The following DYSF variants were observed in gnomAD, a reference collection of about 807,000 sequenced individuals.
DYSF encodes dysferlin, also known as dystrophy-associated fer-1-like 1.
In DYSF, 212 loss-of-function variants were observed where a neutral mutation model predicts 274.9. The ratio of observed to expected loss-of-function variants is 0.77; its 90% CI spans 0.69 to 0.86. The LOEUF is 0.86. DYSF is among the 40% of genes least tolerant of loss of function. DYSF has a pLI of 0.00. For synonymous variants in DYSF, 1,091 were observed against 1,078.7 expected (o/e 1.01, Z -0.22); for missense variants, 2,666 against 2,783.2 (o/e 0.96, Z 0.95).
chr2:71,601,577 C>T (rs193084915), intron 35 of DYSF, 49 bp downstream of exon 35: 856 of 1,611,346 alleles, frequency 5.3e-4, no homozygotes, highest in Non-Finnish European at 6.1e-4. Flanking sequence ...GCCAGTCTCC[C>T]TGTGTTTGGC....
Position 71,681,321 on chromosome 2 carries a change from G to C in DYSF, c.6173+211G>C, listed in dbSNP as rs537972943. Among the ~76,000 whole-genome samples the C allele has an allele frequency of 7.9e-5, 12 of 152,362 alleles. No homozygotes were observed. The East Asian group carries it at 2.3e-3, about 29-fold the overall frequency. On this transcript the variant is annotated intron_variant, in intron 54 of 55. Coordinates refer to ENST00000410020, the MANE Select transcript of DYSF (RefSeq NM_001130987.2). ...TGGGCTCAGCGAATTCAAGATGCAG[G>C]TGCTATTGGGTACCTGTTGGTTGTG...
At chr2:71,673,552 G>T (rs1048823832) in intron 51 of DYSF, among the ~76,000 whole-genome samples, 11 of 152,156 alleles carry the variant, frequency 7.2e-5, no homozygotes, top group Admixed American at 2.0e-4. Flanking sequence ...GCTCCTTACA[G>T]CAGCGTGCTG....
At chr2:71,643,301 G>A (rs554470508) in intron 41 of DYSF, among the ~76,000 whole-genome samples, 11 of 152,244 alleles carry the variant, frequency 7.2e-5, no homozygotes, top group Non-Finnish European at 1.2e-4. Context: ...GGAAGGATGC[G>A]GATGTCACAC....
At chr2:71,528,181 G>T (rs2088187779) in intron 13 of DYSF, 117 bp from the exon 14 acceptor site, 7 of 906,454 alleles carry the variant, frequency 7.7e-6, no homozygotes, top group Non-Finnish European at 1.2e-5. Flanking sequence ...CCTGTGTGAA[G>T]GGGCCAAAGC....
chr2:71,580,382 G>A (rs2092849796), intron 30 of DYSF, among the ~76,000 whole-genome samples: 1 of 152,268 alleles, frequency 6.6e-6, no homozygotes, highest in Non-Finnish European at 1.5e-5. Context: ...AGAAGTGCAG[G>A]GATGTGGGTC....
intron 3 of DYSF, among the ~76,000 whole-genome samples, chr2:71,487,208 T>G (rs969680340): frequency 2.0e-5 from 3 of 152,218 alleles, no homozygotes; most frequent in African/African-American, 7.2e-5. Flanking sequence ...CCTGAGAAAT[T>G]GAATCTTAAA....
chr2:71,466,963 C>G (rs1351530322), intron 1 of DYSF, 30 bp downstream of exon 1: 14 of 1,546,586 alleles, frequency 9.1e-6, no homozygotes, highest in Non-Finnish European at 1.0e-5. Flanking sequence ...CGCGCCCATG[C>G]TCGGGTGCTA....
chr2:71,594,231 C>T (rs2093347777), intron 32 of DYSF, among the ~76,000 whole-genome samples: 1 of 152,314 alleles, frequency 6.6e-6, no homozygotes, highest in South Asian at 2.1e-4. Flanking sequence ...GTCTGAACTC[C>T]AGTCTTCCTT....
intron 35 of DYSF, 161 bp from the exon 36 acceptor site, chr2:71,602,615 C>A: frequency 2.9e-6 from 2 of 688,280 alleles, no homozygotes; most frequent in Non-Finnish European, 5.1e-6. Context: ...CATTCTTACC[C>A]TTGGTGGGAG....
intron 49 of DYSF, 35 bp from the exon 50 acceptor site, chr2:71,669,077 A>G: frequency 6.5e-7 from 1 of 1,543,162 alleles, no homozygotes. Context: ...CTTTGGTAGG[A>G]AATCTAGGTG....
At chr2:71,520,966 C>A (rs1187587858) in intron 12 of DYSF, 62 bp downstream of exon 12, 2 of 1,400,932 alleles carry the variant, frequency 1.4e-6, no homozygotes, top group East Asian at 2.3e-5. Context: ...TGCGGAGGCA[C>A]CAAACCACAA....
chr2:71,666,129 C>T (rs1168000143), intron 47 of DYSF, among the ~76,000 whole-genome samples: 1 of 152,146 alleles, frequency 6.6e-6, no homozygotes, highest in East Asian at 1.9e-4. Context: ...AGCCCTGCCC[C>T]CCTTCATTCC....
At chr2:71,537,249 G>C (rs868309332) in intron 16 of DYSF, among the ~76,000 whole-genome samples, 1 of 16,610 alleles carries the variant, frequency 6.0e-5, no homozygotes, top group Non-Finnish European at 2.3e-4. Flanking sequence ...TTTTTTTTGC[G>C]GGGGGCGTGG....
At chr2:71,548,351 A>C (rs2090645932) in intron 17 of DYSF, among the ~76,000 whole-genome samples, 2 of 152,206 alleles carry the variant, frequency 1.3e-5, no homozygotes, top group Non-Finnish European at 2.9e-5. Flanking sequence ...CTAGGGGCAA[A>C]ACGAGTGTTT....
Position 71,526,336 on chromosome 2 carries a change from C to G in DYSF, c.1266C>G (p.Asp422Glu), listed in dbSNP as rs1268717670. ...GCCTGAAGGTCTTCCGGGCCGAGGA[C>G]TTGCCGCAGAGTGCGTGGGGCGCGC... ...HFCLKVFRAE[D>E]LPQMDDAVMD... The change falls in exon 13 of 56, where the codon GAC (aspartate) becomes GAG (glutamate). Residue 422 changes from aspartate (D) to glutamate (E), a missense_variant. Around this residue, in one of 3 missense-constraint regions of DYSF, gnomAD observed 794 missense variants for 777.1 expected, o/e 1.02. Transcript: ENST00000410020. 4 of 1,518,274 alleles carry G rather than the reference C, an allele frequency of 2.6e-6. No homozygotes were observed. The East Asian group carries it at 8.1e-5, about 31-fold the overall frequency. The allele number at this position is 1,518,274 out of a possible 1,614,324, so 94.1% of individuals were successfully genotyped here. A position where few individuals can be genotyped will look rare whatever the true frequency, so the allele number is the denominator to read the frequency against.
At chr2:71,554,099 G>A (rs1276793701) in intron 21 of DYSF, among the ~76,000 whole-genome samples, 168 bp downstream of exon 21, 1 of 152,184 alleles carries the variant, frequency 6.6e-6, no homozygotes, top group Non-Finnish European at 1.5e-5. Flanking sequence ...CAGGCTTGTG[G>A]TCCTGTCCTG....
intron 12 of DYSF, among the ~76,000 whole-genome samples, chr2:71,523,637 C>T (rs553187474): frequency 2.3e-4 from 35 of 151,774 alleles, no homozygotes; most frequent in East Asian, 1.2e-3. Flanking sequence ...ACCTCCGCCT[C>T]CCGAGTTCAA....
intron 41 of DYSF, among the ~76,000 whole-genome samples, chr2:71,634,739 C>A (rs1048814531): frequency 1.6e-4 from 24 of 152,280 alleles, no homozygotes; most frequent in South Asian, 6.2e-4. Flanking sequence ...CCCTGGGAGG[C>A]AGCTCAGTTC....
chr2:71,571,141 G>A lies in DYSF; in HGVS notation c.3228+400G>A, dbSNP rs376204395. Among the ~76,000 whole-genome samples the A allele has an allele frequency of 6.9e-4, 69 of 99,464 alleles. 1 individual carries two copies. The highest frequency in any genetic ancestry group is 2.0e-3 in the African/African-American group (51 of 25,230). 65.3% of individuals were successfully genotyped at this position (99,464 alleles called of 152,430 possible). A position where few individuals can be genotyped will look rare whatever the true frequency, so the allele number is the denominator to read the frequency against. On this transcript the variant is annotated intron_variant, in intron 29 of 55. Transcript: ENST00000410020. ...ATCACACCCACAGATCACACCCAGC[G>A]CATGCACAGATCACACCCAGCACAC...
Sources: allele counts gnomAD v4.1 joint callset (sites outside exome capture counted in the v4.1 genomes callset), GRCh38; gene constraint gnomAD v4.1.1; regional missense constraint gnomAD v4.1.1; transcripts MANE v1.5; gene names NCBI Gene and HGNC (gene_info 2026-07-23, HGNC 2026-07-21).